Variants in XRCC5 observed in about 807,000 individuals in gnomAD.
XRCC5 encodes the protein X-ray repair cross complementing 5.
In XRCC5, 12 loss-of-function variants were observed where a neutral mutation model predicts 95.7. The observed-to-expected ratio is 0.13, with a 90% CI of 0.08 to 0.20. The LOEUF is 0.20. XRCC5 is among the 10% of genes least tolerant of loss of function. The pLI is 1.00. For synonymous variants in XRCC5, 281 were observed against 290.3 expected, an observed-to-expected ratio of 0.97 and a Z score of 0.33; for missense variants, 595 against 873.9, an observed-to-expected ratio of 0.68 and a Z score of 4.02.
chr2:216,184,857 T>G (rs903023655), intron 16 of XRCC5, among the ~76,000 whole-genome samples: 1 of 152,230 alleles, frequency 6.6e-6, no homozygotes, highest in Non-Finnish European at 1.5e-5. Flanking sequence ...CATAACACAC[T>G]GTGCCCTTAG....
intron 14 of XRCC5, among the ~76,000 whole-genome samples, chr2:216,157,965 A>G (rs2106025401): frequency 6.6e-6 from 1 of 152,354 alleles, no homozygotes; most frequent in Non-Finnish European, 1.5e-5. Flanking sequence ...AATTCCTAAT[A>G]ATGCTGTTAA....
Position 216,127,219 on chromosome 2 carries a change from G to A in XRCC5, c.799-317G>A, listed in dbSNP as rs542126118. ...TGCACCACTGCACTCCAACCTGAGC[G>A]ATAGAGCAAGACTCTGTCTCAAAAA... On this transcript the variant is annotated intron_variant, in intron 7 of 20. Coordinates refer to ENST00000392132, the MANE Select transcript of XRCC5 (RefSeq NM_021141.4). Among the ~76,000 whole-genome samples the A allele has an allele frequency of 7.8e-4, 118 of 152,116 alleles. 1 individual carries two copies. Among genetic ancestry groups the A allele is most frequent in the African/African-American group, 2.4e-3 (98 of 41,508 alleles).
chr2:216,111,306 A>T, intron 1 of XRCC5: 1 of 390,922 alleles, frequency 2.6e-6, no homozygotes, highest in Non-Finnish European at 5.1e-6. Flanking sequence ...AGGATTGCTT[A>T]AGCCAAGGAG....
chr2:216,171,468 G>A (rs1373946149), intron 16 of XRCC5, among the ~76,000 whole-genome samples: 2 of 152,170 alleles, frequency 1.3e-5, no homozygotes, highest in Non-Finnish European at 2.9e-5. Context: ...GTTTTTAGAG[G>A]TTCCTTATGT....
chr2:216,192,426 G>A (rs1451480567), intron 17 of XRCC5, among the ~76,000 whole-genome samples: 1 of 152,032 alleles, frequency 6.6e-6, no homozygotes, highest in Non-Finnish European at 1.5e-5. Flanking sequence ...ACTGACTCTG[G>A]GAAGCTCTGT....
chr2:216,137,054 G>A (rs755815199), intron 10 of XRCC5, 34 bp from the exon 11 acceptor site: 1 of 1,598,086 alleles, frequency 6.3e-7, no homozygotes, highest in East Asian at 2.2e-5. Flanking sequence ...CTCACATGTT[G>A]AATATGTGTT....
At chr2:216,133,889 G>A (rs1697030392) in intron 10 of XRCC5, among the ~76,000 whole-genome samples, 1 of 152,190 alleles carries the variant, frequency 6.6e-6, no homozygotes, top group African/African-American at 2.4e-5. Flanking sequence ...ACTTGTGTAG[G>A]TAGGCAGGGG....
chr2:216,201,051 AAGT>A (rs745715143), intron 19 of XRCC5, among the ~76,000 whole-genome samples: 1 of 152,176 alleles, frequency 6.6e-6, no homozygotes. Context: ...TAGGTATGGT[AAGT>A]AGTAGTATTC....
intron 14 of XRCC5, among the ~76,000 whole-genome samples, chr2:216,152,186 C>T (rs1007137350): frequency 5.9e-5 from 9 of 152,090 alleles, no homozygotes; most frequent in African/African-American, 2.2e-4. Context: ...CCTGTAATCC[C>T]AGCACTTTGG....
chr2:216,116,116 A>G (rs986980008), intron 2 of XRCC5, among the ~76,000 whole-genome samples: 1 of 152,160 alleles, frequency 6.6e-6, no homozygotes, highest in Admixed American at 6.5e-5. Flanking sequence ...ATATTCTGCA[A>G]TGTATTTTTG....
At chr2:216,135,058 A>G (rs1484774428) in intron 10 of XRCC5, among the ~76,000 whole-genome samples, 2 of 151,962 alleles carry the variant, frequency 1.3e-5, no homozygotes, top group South Asian at 2.1e-4. Context: ...TGAAATCTGT[A>G]CAGGATTCTA....
At chr2:216,171,005 C>T (rs997517089) in intron 16 of XRCC5, among the ~76,000 whole-genome samples, 1 of 152,194 alleles carries the variant, frequency 6.6e-6, no homozygotes, top group Admixed American at 6.5e-5. Flanking sequence ...AAAAGGAAAC[C>T]GGTTTCAGAT....
At chr2:216,174,798 A>G (rs1413816760) in intron 16 of XRCC5, 4 of 193,852 alleles carry the variant, frequency 2.1e-5, no homozygotes, top group Non-Finnish European at 3.2e-5. Context: ...CAGTTCCTCT[A>G]ATGCATTTGG....
Position 216,194,992 on chromosome 2 carries a change from G to A in XRCC5, c.2109+6G>A, listed in dbSNP as rs1689687834. 1 of 1,613,814 alleles carries A rather than the reference G, an allele frequency of 6.2e-7. No homozygotes were observed. The highest frequency in any genetic ancestry group is 8.5e-7 in the Non-Finnish European group (1 of 1,179,680). ...CAGCTGAGGAAGCCAAAAAGGTATT[G>A]AGGGGTAAACCTTTGTCTTTAGTTG... On this transcript the variant is annotated splice_donor_region_variant and intron_variant, in intron 19 of 20. Coordinates refer to ENST00000392132, the MANE Select transcript of XRCC5 (RefSeq NM_021141.4).
chr2:216,131,169 C>A, intron 9 of XRCC5, 182 bp downstream of exon 9: 1 of 985,218 alleles, frequency 1.0e-6, no homozygotes, highest in African/African-American at 1.7e-5. Flanking sequence ...GGTTCAGAGC[C>A]GTTAAGTAAA....
chr2:216,158,275 G>A lies in XRCC5; in HGVS notation c.1671-1793G>A, dbSNP rs1183030145. Among the ~76,000 whole-genome samples, 6 of 152,210 alleles carry A rather than the reference G, an allele frequency of 3.9e-5. No homozygotes were observed. In the South Asian group the frequency reaches 1.2e-3, roughly 32 times the overall value. On this transcript the variant is annotated intron_variant, in intron 14 of 20. Transcript: ENST00000392132. ...TTTCATCATAGTGCTTTCCTAAGGA[G>A]CAGACTGAAGCTCAGAGAGGTTTGT...
intron 16 of XRCC5, among the ~76,000 whole-genome samples, chr2:216,184,367 T>C (rs1341399322): frequency 1.3e-5 from 2 of 152,234 alleles, no homozygotes; most frequent in Non-Finnish European, 2.9e-5. Flanking sequence ...GCTTTAAATA[T>C]GCTTTTGAAC....
chr2:216,134,358 T>C (rs1412146949), intron 10 of XRCC5, among the ~76,000 whole-genome samples: 1 of 151,584 alleles, frequency 6.6e-6, no homozygotes, highest in Non-Finnish European at 1.5e-5. Flanking sequence ...AGTTAAGTTA[T>C]ACACAGCTGT....
chr2:216,174,232 A>G (rs534248585), intron 16 of XRCC5, among the ~76,000 whole-genome samples: 2 of 152,296 alleles, frequency 1.3e-5, no homozygotes, highest in South Asian at 2.1e-4. Context: ...AAAATATGCT[A>G]ATTTAAATAC....
Sources: gnomAD v4.1 joint callset for allele counts (sites outside exome capture counted in the v4.1 genomes callset) on GRCh38, gnomAD v4.1.1 for gene constraint, MANE v1.5 for transcripts, NCBI Gene and HGNC (gene_info 2026-07-23, HGNC 2026-07-21) for gene names.